The following PPP2CA variants were observed in gnomAD, a reference collection of about 807,000 sequenced individuals.
The protein encoded by PPP2CA is serine/threonine-protein phosphatase 2A catalytic subunit alpha isoform.
Under a neutral mutation model 38.8 loss-of-function variants are expected in PPP2CA, and 5 were observed. That is an observed-to-expected ratio of 0.13 (90% CI 0.07 to 0.27). The LOEUF (loss-of-function observed/expected upper bound fraction) is 0.27, where lower values mean the gene tolerates loss of function less well. PPP2CA is among the 10% of genes least tolerant of loss of function. The pLI, the probability that PPP2CA is intolerant of heterozygous loss-of-function variation, is 1.00. For synonymous variants in PPP2CA, 152 were observed against 134.0 expected (o/e 1.13, Z -0.93); for missense variants, 88 against 389.7 (o/e 0.23, Z 6.52).
intron 5 of PPP2CA, 70 bp from the exon 6 acceptor site, chr5:134,199,274 G>C: frequency 8.3e-7 from 1 of 1,209,816 alleles, no homozygotes; most frequent in Non-Finnish European, 1.2e-6. Context: ...TCACTCAAGA[G>C]AGAAAAAAAT....
At position 134,195,076 on chromosome 5, in the gene PPP2CA, T is replaced by C. The variant is rs1021890075; in HGVS notation, c.*2696A>G. On this transcript the variant is annotated 3_prime_UTR_variant, in exon 7 of 7. Coordinates refer to ENST00000481195, the MANE Select transcript of PPP2CA (RefSeq NM_002715.4). ...GTCCTTCTTGAAACTAATCTAATAT[T>C]GACAAACTTCTATTTAAGAAATACC... is the stretch of plus-strand genomic sequence containing the variant. The C allele has an allele frequency of 1.3e-5, 2 of 152,128 alleles. No homozygotes were observed. The highest frequency in any genetic ancestry group is 4.8e-5 in the African/African-American group (2 of 41,410). The allele number at this position is 152,128 out of a possible 1,614,324, so 9.4% of individuals were successfully genotyped here. A position where few individuals can be genotyped will look rare whatever the true frequency, so the allele number is the denominator to read the frequency against.
At position 134,221,967 on chromosome 5, in the gene PPP2CA, C is replaced by CAA. The variant is rs35713465; in HGVS notation, c.102+3791_102+3792dup. 2.1e-3 allele frequency among the ~76,000 whole-genome samples: 161 copies of CAA among 78,068 alleles called. 1 individual carries two copies. Among genetic ancestry groups the CAA allele is most frequent in the Middle Eastern group, 6.8e-3 (1 of 148 alleles). 51.2% of individuals were successfully genotyped at this position (78,068 alleles called of 152,430 possible). Reference sequence around the variant, plus strand: ...TGGGCAAAAGAGTAAGACCTTATCTCAAAAAAAAAAAAAAAAAAAAGTTTT... The same window carrying CAA: ...TGGGCAAAAGAGTAAGACCTTATCTCAAAAAAAAAAAAAAAAAAAAAAGTTTT... On this transcript the variant is annotated intron_variant, in intron 1 of 6. Coordinates refer to ENST00000481195, the MANE Select transcript of PPP2CA (RefSeq NM_002715.4).
intron 1 of PPP2CA, among the ~76,000 whole-genome samples, chr5:134,217,271 A>G (rs1454132577): frequency 6.6e-6 from 1 of 151,752 alleles, no homozygotes; most frequent in Non-Finnish European, 1.5e-5. Flanking sequence ...CAAGAGCGAA[A>G]CTCCCTTCTC....
chr5:134,200,843 GAAC>G (rs1283677265), intron 4 of PPP2CA, 139 bp downstream of exon 4: 4 of 712,422 alleles, frequency 5.6e-6, no homozygotes, highest in Non-Finnish European at 9.2e-6. Flanking sequence ...AGCTTCTTTT[GAAC>G]AACAGGGCAG....
intron 2 of PPP2CA, chr5:134,205,671 T>C (rs1466380919): frequency 5.0e-6 from 2 of 403,252 alleles, no homozygotes; most frequent in Non-Finnish European, 9.3e-6. Flanking sequence ...GCATAAGCCA[T>C]CACGCCCAGC....
rs1038396390 is a variant in PPP2CA, at chr5:134,194,891, A to C, written c.*2881T>G. 1 of 152,116 alleles carries C rather than the reference A, an allele frequency of 6.6e-6. No homozygotes were observed. The highest frequency in any genetic ancestry group is 2.4e-5 in the African/African-American group (1 of 41,410). 9.4% of individuals were successfully genotyped at this position (152,116 alleles called of 1,614,324 possible). A position where few individuals can be genotyped will look rare whatever the true frequency, so the allele number is the denominator to read the frequency against. ...CCCAAGTGCTGGGATTACAGGCATG[A>C]GCCACCGCGCCTGGCTGTTTTTAAC... is the stretch of plus-strand genomic sequence containing the variant. On this transcript the variant is annotated 3_prime_UTR_variant, in exon 7 of 7. Transcript: ENST00000481195.
At chr5:134,220,322 G>A (rs1288365337) in intron 1 of PPP2CA, among the ~76,000 whole-genome samples, 1 of 151,554 alleles carries the variant, frequency 6.6e-6, no homozygotes, top group Non-Finnish European at 1.5e-5. Context: ...AGCTGGGTGT[G>A]GTGGCACACA....
At chr5:134,213,137 T>C (rs4958177) in intron 1 of PPP2CA, among the ~76,000 whole-genome samples, 132,861 of 152,240 alleles carry the variant, frequency 0.87, 58,311 homozygotes, top group Middle Eastern at 0.92. Flanking sequence ...AAGATGCCAC[T>C]TAGGACTTTA....
Position 134,197,685 on chromosome 5 carries a change from C to T in PPP2CA, c.*87G>A. On this transcript the variant is annotated 3_prime_UTR_variant, in exon 7 of 7. Coordinates refer to ENST00000481195, the MANE Select transcript of PPP2CA (RefSeq NM_002715.4). ...AAGTTTTTTGAATGTTAACTATTTT[C>T]TGACACTTTGGAGTTACTGTTGCTC... The T allele has an allele frequency of 9.3e-7, 1 of 1,076,790 alleles. No individual in the cohort carries two copies. The highest frequency in any genetic ancestry group is 1.4e-6 in the Non-Finnish European group (1 of 711,122). The allele number at this position is 1,076,790 out of a possible 1,614,324, so 66.7% of individuals were successfully genotyped here.
chr5:134,213,727 G>A (rs754744427), intron 1 of PPP2CA, among the ~76,000 whole-genome samples: 2 of 149,866 alleles, frequency 1.3e-5, no homozygotes, highest in African/African-American at 4.9e-5. Flanking sequence ...AGGTTCCAGT[G>A]AACTATGATG....
intron 1 of PPP2CA, among the ~76,000 whole-genome samples, chr5:134,207,653 A>C (rs1256934357): frequency 1.3e-5 from 2 of 152,194 alleles, no homozygotes; most frequent in Non-Finnish European, 2.9e-5. Flanking sequence ...TCCCAGGTTC[A>C]AACGATCCTC....
chr5:134,216,557 A>AAAAAAAG (rs57520870), intron 1 of PPP2CA, among the ~76,000 whole-genome samples: 1,706 of 110,912 alleles, frequency 0.015, 149 homozygotes, highest in African/African-American at 0.017. Flanking sequence ...AAAAAAAAAA[A>AAAAAAAG]GTGGTTTCCT....
intron 1 of PPP2CA, among the ~76,000 whole-genome samples, chr5:134,218,801 T>C (rs191076507): frequency 1.5e-3 from 235 of 152,168 alleles, no homozygotes; most frequent in African/African-American, 5.3e-3. Flanking sequence ...CCCGAGCAGC[T>C]GGGACTACAG....
intron 5 of PPP2CA, among the ~76,000 whole-genome samples, chr5:134,200,087 T>TAA (rs999524448): frequency 1.3e-5 from 2 of 152,234 alleles, no homozygotes; most frequent in African/African-American, 4.8e-5. Flanking sequence ...TTCCCACTCT[T>TAA]AAATCTCAAG....
At chr5:134,200,935 C>A in intron 4 of PPP2CA, 50 bp downstream of exon 4, 1 of 1,407,426 alleles carries the variant, frequency 7.1e-7, no homozygotes. Context: ...TTAAACTTCT[C>A]CACTCCCTAA....
At chr5:134,220,456 C>CAAAAA (rs10649430) in intron 1 of PPP2CA, among the ~76,000 whole-genome samples, 972 of 54,020 alleles carry the variant, frequency 0.018, 166 homozygotes, top group African/African-American at 0.061. Flanking sequence ...GACTCTATCT[C>CAAAAA]AAAAAAAAAA....
intron 1 of PPP2CA, among the ~76,000 whole-genome samples, chr5:134,217,828 G>A (rs971244519): frequency 3.3e-5 from 5 of 152,132 alleles, no homozygotes; most frequent in African/African-American, 1.2e-4. Flanking sequence ...ATCACAGAGT[G>A]GTCTTACACA....
intron 1 of PPP2CA, among the ~76,000 whole-genome samples, chr5:134,215,696 C>T (rs1263229483): frequency 6.6e-6 from 1 of 152,206 alleles, no homozygotes; most frequent in East Asian, 1.9e-4. Flanking sequence ...GCCCTGGCCT[C>T]CCAATCTGCT....
In PPP2CA at chr5:134,195,580, T is replaced by C. The variant is rs1761831233; in HGVS notation, c.*2192A>G. ...AGGGAAAGCTTTTTAGGTTTATTAA[T>C]GAAAATCCTAATGTTACTAATTGAG... On this transcript the variant is annotated 3_prime_UTR_variant, in exon 7 of 7. Coordinates refer to ENST00000481195, the MANE Select transcript of PPP2CA (RefSeq NM_002715.4). 6.6e-6 allele frequency: 1 copy of C among 152,220 alleles called. No individual in the cohort carries two copies. The highest frequency in any genetic ancestry group is 2.1e-4 in the South Asian group (1 of 4,838). 9.4% of individuals were successfully genotyped at this position (152,220 alleles called of 1,614,324 possible).
Sources: allele counts gnomAD v4.1 joint callset (sites outside exome capture counted in the v4.1 genomes callset), GRCh38; gene constraint gnomAD v4.1.1; transcripts MANE v1.5; gene names NCBI Gene and HGNC (gene_info 2026-07-23, HGNC 2026-07-21).